Variants in SLC25A30 observed in about 807,000 individuals in gnomAD.
SLC25A30 encodes solute carrier family 25 member 30.
A neutral mutation model predicts 42.7 loss-of-function variants in SLC25A30; 29 were observed. That is an observed-to-expected ratio of 0.68 (90% confidence interval 0.51 to 0.93). The LOEUF is 0.93. Ranked by LOEUF, SLC25A30 falls within the 40% of genes least tolerant of loss-of-function variation. The pLI, the probability that SLC25A30 is intolerant of heterozygous loss-of-function variation, is 0.00. For synonymous variants in SLC25A30, 124 were observed against 131.0 expected (o/e 0.95, Z 0.37); for missense variants, 300 against 359.7 (o/e 0.83, Z 1.34).
chr13:45,415,915 T>C (rs1208217031), intron 1 of SLC25A30, among the ~76,000 whole-genome samples: 2 of 145,776 alleles, frequency 1.4e-5, no homozygotes, highest in African/African-American at 5.0e-5. Context: ...TTCTCCTGCC[T>C]CATCCTCCTG....
At chr13:45,405,762 G>T in intron 4 of SLC25A30, 121 bp downstream of exon 4, 2 of 797,516 alleles carry the variant, frequency 2.5e-6, no homozygotes, top group Admixed American at 2.7e-5. Flanking sequence ...TTTACACCCA[G>T]AGTTCTTGTA....
chr13:45,400,033 T>TATACACACAC (rs571184813), intron 7 of SLC25A30, among the ~76,000 whole-genome samples: 22 of 122,996 alleles, frequency 1.8e-4, no homozygotes, highest in Non-Finnish European at 2.5e-4. Flanking sequence ...TATATATATA[T>TATACACACAC]ACACACACAC....
At chr13:45,416,498 C>T (rs1269366872) in intron 1 of SLC25A30, among the ~76,000 whole-genome samples, 5 of 152,054 alleles carry the variant, frequency 3.3e-5, no homozygotes, top group African/African-American at 1.2e-4. Flanking sequence ...CTGGGCTAGT[C>T]ACACATACCT....
intron 1 of SLC25A30, among the ~76,000 whole-genome samples, chr13:45,416,873 G>C (rs1225133927): frequency 6.6e-6 from 1 of 152,300 alleles, no homozygotes. Context: ...TATATGCTAA[G>C]TTACACATCC....
intron 1 of SLC25A30, among the ~76,000 whole-genome samples, chr13:45,417,423 A>G (rs1236087087): frequency 6.6e-6 from 1 of 152,164 alleles, no homozygotes; most frequent in Non-Finnish European, 1.5e-5. Context: ...TCATACATTT[A>G]TTGTTCCTTG....
intron 3 of SLC25A30, among the ~76,000 whole-genome samples, chr13:45,407,176 T>A (rs1593615333): frequency 6.6e-6 from 1 of 152,102 alleles, no homozygotes; most frequent in South Asian, 2.1e-4. Context: ...GACGGGTGGA[T>A]CACTTGAGGT....
At chr13:45,402,863 T>C (rs1485073218) in intron 5 of SLC25A30, 1 of 972,726 alleles carries the variant, frequency 1.0e-6, no homozygotes, top group Non-Finnish European at 1.2e-6. Flanking sequence ...GCTAGCCAAG[T>C]GACAGCCACA....
chr13:45,427,591 T>G, the SLC25A30 span, among the ~76,000 whole-genome samples: 31 of 152,176 alleles, frequency 2.0e-4, no homozygotes, highest in Non-Finnish European at 3.2e-4. Flanking sequence ...TGTACCCTAC[T>G]GCATGGTGAG....
chr13:45,397,537 A>C (rs560644284), intron 8 of SLC25A30, 199 bp from the exon 9 acceptor site: 13 of 294,128 alleles, frequency 4.4e-5, no homozygotes, highest in African/African-American at 2.7e-4. Flanking sequence ...CTAAAAATAC[A>C]AAAAAAAAAT....
Position 45,394,471 on chromosome 13 carries a change from A to G in SLC25A30, c.*1503T>C. ...AATTTGGCCGCACTACTGTGGAAGG[A>G]GAATGCCCTGGAGCCCCAGCTAACA... is the stretch of plus-strand genomic sequence containing the variant. On this transcript the variant is annotated 3_prime_UTR_variant, in exon 10 of 10. Coordinates refer to ENST00000519676, the MANE Select transcript of SLC25A30 (RefSeq NM_001010875.4). 3.0e-6 allele frequency: 3 copies of G among 985,444 alleles called. No individual in the cohort carries two copies. Among genetic ancestry groups the G allele is most frequent in the South Asian group, 9.4e-5 (2 of 21,284 alleles). The allele number at this position is 985,444 out of a possible 1,614,324, so 61.0% of individuals were successfully genotyped here.
At chr13:45,414,533 C>T (rs1167985656) in intron 1 of SLC25A30, among the ~76,000 whole-genome samples, 1 of 152,020 alleles carries the variant, frequency 6.6e-6, no homozygotes, top group African/African-American at 2.4e-5. Context: ...AGAAGAATCG[C>T]TTGAAACCGG....
chr13:45,397,602 A>G, intron 8 of SLC25A30: 2 of 281,198 alleles, frequency 7.1e-6, no homozygotes, highest in Non-Finnish European at 1.3e-5. Flanking sequence ...AGGCTGAGGC[A>G]GGAGAATGGC....
chr13:45,422,496 T>C (rs954556014), upstream of SLC25A30, among the ~76,000 whole-genome samples: 4 of 152,164 alleles, frequency 2.6e-5, no homozygotes, highest in African/African-American at 9.7e-5. Context: ...TTTATCATTA[T>C]ATTTTATTGC....
the SLC25A30 span, among the ~76,000 whole-genome samples, chr13:45,424,685 A>C: frequency 2.7e-5 from 2 of 74,116 alleles, 1 homozygote; most frequent in East Asian, 6.8e-4. Flanking sequence ...AGTTATATAT[A>C]GATATATATA....
In SLC25A30 at chr13:45,399,036, G is replaced by A; in HGVS notation, c.657C>T (p.Asn219=). Residue 219 remains asparagine, a synonymous_variant, in exon 8 of 10, where the codon AAC becomes AAT. Transcript: ENST00000519676. ...TACGTGTCCTCACAACATCAACAGG[G>A]TTTGAGGCCAGGGCCCCTGCCAGAC... is the stretch of plus-strand genomic sequence containing the variant. ...TCGLAGALAS[N]PVDVVRTRMM... is the part of the protein sequence containing the mutation. The A allele has an allele frequency of 6.2e-7, 1 of 1,613,530 alleles. No homozygotes were observed. Among genetic ancestry groups the A allele is most frequent in the South Asian group, 1.1e-5 (1 of 90,998 alleles).
chr13:45,406,815 T>G (rs1326693716), intron 3 of SLC25A30, among the ~76,000 whole-genome samples: 2 of 152,244 alleles, frequency 1.3e-5, no homozygotes, highest in Non-Finnish European at 2.9e-5. Context: ...CTCCCTGTTC[T>G]GCTGTAGCAT....
chr13:45,425,278 A>T, the SLC25A30 span, among the ~76,000 whole-genome samples: 4 of 104,270 alleles, frequency 3.8e-5, no homozygotes, highest in African/African-American at 1.6e-4. Flanking sequence ...GTATACATAT[A>T]AATATATGTA....
intron 3 of SLC25A30, 137 bp downstream of exon 3, chr13:45,408,790 G>T: frequency 1.5e-6 from 1 of 681,652 alleles, no homozygotes; most frequent in Non-Finnish European, 2.2e-6. Context: ...AATTAAAAGT[G>T]AAAAATCTGT....
chr13:45,424,149 G>C, the SLC25A30 span, among the ~76,000 whole-genome samples: 1 of 19,594 alleles, frequency 5.1e-5, no homozygotes, highest in African/African-American at 2.3e-4. Flanking sequence ...ATAAATATAA[G>C]TATATATATA....
Sources: gnomAD v4.1 joint callset for allele counts (sites outside exome capture counted in the v4.1 genomes callset) on GRCh38, gnomAD v4.1.1 for gene constraint, MANE v1.5 for transcripts, NCBI Gene and HGNC (gene_info 2026-07-23, HGNC 2026-07-21) for gene names.